The following CNBD1 variants were observed in gnomAD, a reference collection of about 807,000 sequenced individuals.
CNBD1 encodes cyclic nucleotide binding domain containing 1, also known as cyclic nucleotide-binding domain-containing protein 1.
A neutral mutation model predicts 54.4 loss-of-function variants in CNBD1; 71 were observed. The observed-to-expected ratio is 1.30, with a 90% CI of 1.08 to 1.59. The LOEUF (loss-of-function observed/expected upper bound fraction) is 1.59, where lower values mean the gene tolerates loss of function less well. Among genes scored for constraint, CNBD1 ranks in the 40% most tolerant of loss-of-function variants. The probability of loss-of-function intolerance (pLI) is 0.00; values close to 1 mark genes in which losing one functional copy is unlikely to be tolerated. For synonymous variants in CNBD1, 182 were observed against 170.7 expected (o/e 1.07, Z -0.51); for missense variants, 659 against 518.0 (o/e 1.27, Z -2.64).
At chr8:87,150,544 T>G (rs149576934) in intron 4 of CNBD1, among the ~76,000 whole-genome samples, 1 of 152,300 alleles carries the variant, frequency 6.6e-6, no homozygotes, top group East Asian at 1.9e-4. Context: ...AAAGAAAAAG[T>G]GCATTGGATA....
chr8:87,066,878 A>G (rs891725431), intron 4 of CNBD1, among the ~76,000 whole-genome samples: 1 of 151,984 alleles, frequency 6.6e-6, no homozygotes, highest in Non-Finnish European at 1.5e-5. Context: ...AATTATTACA[A>G]TCACCGATGT....
intron 4 of CNBD1, among the ~76,000 whole-genome samples, chr8:87,173,640 C>A (rs1813137431): frequency 6.7e-6 from 1 of 149,650 alleles, no homozygotes; most frequent in East Asian, 2.0e-4. Flanking sequence ...TGCTGCCAGA[C>A]CTATTGGAGC....
chr8:87,250,738 C>A (rs1017325711), intron 6 of CNBD1, among the ~76,000 whole-genome samples: 2 of 151,972 alleles, frequency 1.3e-5, no homozygotes, highest in African/African-American at 4.8e-5. Flanking sequence ...AGAAATATTG[C>A]GTGTTAGCAC....
At chr8:87,388,760 C>T (rs942617354) in intron 2 of CNBD1, among the ~76,000 whole-genome samples, 3 of 152,196 alleles carry the variant, frequency 2.0e-5, no homozygotes, top group Admixed American at 6.5e-5. Flanking sequence ...ATGAGGCCTA[C>T]ATTATCCTGA....
chr8:87,365,292 C>T (rs943797877), intron 10 of CNBD1, among the ~76,000 whole-genome samples: 3 of 151,758 alleles, frequency 2.0e-5, no homozygotes, highest in Admixed American at 6.6e-5. Flanking sequence ...TGCTTGTTGG[C>T]CGTGTGTATG....
At chr8:87,250,183 C>T (rs553789394) in intron 6 of CNBD1, among the ~76,000 whole-genome samples, 27 of 152,196 alleles carry the variant, frequency 1.8e-4, no homozygotes, top group Non-Finnish European at 2.6e-4. Flanking sequence ...AGCCATTTCT[C>T]GAAACAAGGC....
At chr8:87,130,142 T>A (rs531470277) in intron 4 of CNBD1, among the ~76,000 whole-genome samples, 1 of 152,236 alleles carries the variant, frequency 6.6e-6, no homozygotes, top group East Asian at 1.9e-4. Flanking sequence ...GAATTCAAGA[T>A]GAGATTTGGT....
chr8:87,031,244 T>A (rs1233324882), intron 4 of CNBD1, among the ~76,000 whole-genome samples: 1 of 151,854 alleles, frequency 6.6e-6, no homozygotes. Flanking sequence ...CAGTGTGTCT[T>A]AAACACAAGT....
At chr8:87,293,224 G>A (rs998448988) in intron 8 of CNBD1, among the ~76,000 whole-genome samples, 11 of 151,968 alleles carry the variant, frequency 7.2e-5, no homozygotes, top group Non-Finnish European at 1.3e-4. Flanking sequence ...TTTTGTTGTG[G>A]CAATGAAAAG....
At chr8:87,330,123 G>C (rs780852456) in intron 8 of CNBD1, among the ~76,000 whole-genome samples, 7 of 151,346 alleles carry the variant, frequency 4.6e-5, no homozygotes. Context: ...TCAAATTTGT[G>C]GGCATAATTA....
chr8:86,971,974 A>T (rs1188153660), intron 4 of CNBD1, among the ~76,000 whole-genome samples: 1 of 150,506 alleles, frequency 6.6e-6, no homozygotes, highest in Non-Finnish European at 1.5e-5. Context: ...TTTTTTTGAG[A>T]CAGGGTCTCA....
chr8:87,074,701 T>A (rs1299557961), intron 4 of CNBD1, among the ~76,000 whole-genome samples: 2 of 152,158 alleles, frequency 1.3e-5, no homozygotes, highest in Non-Finnish European at 2.9e-5. Flanking sequence ...TGTGTACCAC[T>A]CCTGGGTGGA....
At chr8:87,175,553 C>T (rs1309656791) in intron 4 of CNBD1, among the ~76,000 whole-genome samples, 2 of 152,192 alleles carry the variant, frequency 1.3e-5, no homozygotes, top group Admixed American at 6.5e-5. Flanking sequence ...GAGCTAAGGC[C>T]TTGAATGGGA....
At chr8:86,997,583 A>T (rs1808902198) in intron 4 of CNBD1, among the ~76,000 whole-genome samples, 1 of 152,152 alleles carries the variant, frequency 6.6e-6, no homozygotes, top group South Asian at 2.1e-4. Flanking sequence ...CTGGACATGA[A>T]ATAGGGCCTG....
chr8:87,336,555 A>G (rs1231152158), intron 8 of CNBD1, among the ~76,000 whole-genome samples: 2 of 151,978 alleles, frequency 1.3e-5, no homozygotes, highest in Non-Finnish European at 2.9e-5. Flanking sequence ...CAGGTCATTT[A>G]TGTTTCTCTC....
chr8:86,995,856 T>G (rs1157234298), intron 4 of CNBD1, among the ~76,000 whole-genome samples: 1 of 152,186 alleles, frequency 6.6e-6, no homozygotes, highest in African/African-American at 2.4e-5. Flanking sequence ...ATGCTTACAT[T>G]TAAATGTTGA....
At chr8:87,303,359 C>A (rs193135183) in intron 8 of CNBD1, among the ~76,000 whole-genome samples, 1 of 151,964 alleles carries the variant, frequency 6.6e-6, no homozygotes, top group East Asian at 1.9e-4. Context: ...TGATCTTTGA[C>A]AAATCTGAGA....
chr8:87,424,943 G>C (rs372431125), intron 2 of CNBD1, among the ~76,000 whole-genome samples: 1,655 of 151,990 alleles, frequency 0.011, 31 homozygotes, highest in African/African-American at 0.035. Flanking sequence ...TTCTCCCCAT[G>C]ACTTTCAGGT....
In CNBD1 at chr8:87,321,401, G is replaced by T. The variant is rs149595833; in HGVS notation, c.1043-30284G>T. On this transcript the variant is annotated intron_variant, in intron 8 of 10. Coordinates refer to ENST00000518476, the MANE Select transcript of CNBD1 (RefSeq NM_173538.3). Reference sequence around the variant, plus strand: ...ATTGTGGCCATCCCAACACCTGTAAGGCAATATCTCTTTGTGATTTTGATT... The same window carrying T: ...ATTGTGGCCATCCCAACACCTGTAATGCAATATCTCTTTGTGATTTTGATT... Among the ~76,000 whole-genome samples the T allele has an allele frequency of 4.5e-3, 686 of 152,214 alleles. 22 individuals are homozygous for T. Among genetic ancestry groups the T allele is most frequent in the Admixed American group, 0.042 (641 of 15,268 alleles).
Sources: gnomAD v4.1 joint callset for allele counts (sites outside exome capture counted in the v4.1 genomes callset) on GRCh38, gnomAD v4.1.1 for gene constraint, MANE v1.5 for transcripts, NCBI Gene and HGNC (gene_info 2026-07-23, HGNC 2026-07-21) for gene names.